Variants in PRICKLE2 observed in about 807,000 individuals in gnomAD.
The protein encoded by PRICKLE2 is prickle-like protein 2.
PRICKLE2 carries 21 observed loss-of-function variants against 81.4 expected under a neutral mutation model. The observed-to-expected ratio is 0.26, with a 90% CI of 0.18 to 0.37. The LOEUF (loss-of-function observed/expected upper bound fraction) is 0.37. Ranked by LOEUF, PRICKLE2 falls within the 10% of genes least tolerant of loss-of-function variation. The pLI is 1.00. For synonymous variants in PRICKLE2, 456 were observed against 421.5 expected (o/e 1.08, Z -1.00); for missense variants, 940 against 1,109.0 (o/e 0.85, Z 2.16).
chr3:64,225,233 G>A lies in PRICKLE2; in HGVS notation c.-364C>T, dbSNP rs539606030. ...CTAGATCAGCCTGAGTGCTCAGATC[G>A]CCTTCCGGAGGACCCCCAGTTTCCT... On this transcript the variant is annotated 5_prime_UTR_variant, in exon 1 of 8. Transcript: ENST00000638394. The A allele has an allele frequency of 4.5e-5, 44 of 985,394 alleles. No individual in the cohort carries two copies. Among genetic ancestry groups the A allele is most frequent in the Admixed American group, 6.1e-5 (1 of 16,266 alleles). 61.0% of individuals were successfully genotyped at this position (985,394 alleles called of 1,614,324 possible). A position where few individuals can be genotyped will look rare whatever the true frequency, so the allele number is the denominator to read the frequency against.
At chr3:64,115,382 C>G (rs140365523) in intron 7 of PRICKLE2, among the ~76,000 whole-genome samples, 160 of 152,192 alleles carry the variant, frequency 1.1e-3, no homozygotes, top group African/African-American at 3.6e-3. Flanking sequence ...GGCTGAATGA[C>G]CCAATTAAAA....
intron 2 of PRICKLE2, among the ~76,000 whole-genome samples, chr3:64,234,662 A>G (rs964723685): frequency 6.6e-6 from 1 of 152,168 alleles, no homozygotes; most frequent in African/African-American, 2.4e-5. Context: ...TAATTTTGAT[A>G]AAGTTCGTTT....
intron 7 of PRICKLE2, chr3:64,142,000 AACT>A (rs767164356): frequency 6.7e-4 from 635 of 946,594 alleles, no homozygotes; most frequent in Non-Finnish European, 7.7e-4. Flanking sequence ...TTAAAAAAAA[AACT>A]ACTGAATTTT....
chr3:64,177,836 T>C (rs1476590247), intron 2 of PRICKLE2, among the ~76,000 whole-genome samples: 3 of 152,236 alleles, frequency 2.0e-5, no homozygotes, highest in Non-Finnish European at 2.9e-5. Flanking sequence ...TTTTACCTTT[T>C]CACTACTGTG....
At chr3:64,120,638 T>C (rs934794940) in intron 7 of PRICKLE2, among the ~76,000 whole-genome samples, 3 of 152,210 alleles carry the variant, frequency 2.0e-5, no homozygotes, top group Non-Finnish European at 1.5e-5. Flanking sequence ...AAGATACTGG[T>C]CCACAGACCA....
In PRICKLE2 at chr3:64,128,668, C is replaced by T. The variant is rs1419206419; in HGVS notation, c.1660+18162G>A. On this transcript the variant is annotated intron_variant, in intron 7 of 7. Transcript: ENST00000638394. ...GGCTGAGGCAGGAGAATAATGTGAA[C>T]CCGGGAGGGAGAGGTTGTAGTGAGC... Among the ~76,000 whole-genome samples, 5 of 147,110 alleles carry T rather than the reference C, an allele frequency of 3.4e-5. No homozygotes were observed. The South Asian group carries it at 6.4e-4, about 19-fold the overall frequency.
At chr3:64,115,075 C>T (rs774255760) in intron 7 of PRICKLE2, among the ~76,000 whole-genome samples, 6 of 152,072 alleles carry the variant, frequency 3.9e-5, no homozygotes, top group African/African-American at 1.4e-4. Flanking sequence ...AAATTCCAAC[C>T]CAGAATTTCA....
At chr3:64,199,301 C>A in intron 1 of PRICKLE2, 1 of 425,384 alleles carries the variant, frequency 2.4e-6, no homozygotes, top group Non-Finnish European at 4.2e-6. Context: ...GGATATGGCC[C>A]ATGACCACAA....
upstream of PRICKLE2, among the ~76,000 whole-genome samples, chr3:64,226,816 T>C (rs1289888352): frequency 2.0e-5 from 3 of 152,164 alleles, no homozygotes; most frequent in Non-Finnish European, 4.4e-5. Context: ...AGCCAGGCAA[T>C]ATTCTGGACT....
At chr3:64,172,236 C>T (rs2077944633) in intron 2 of PRICKLE2, among the ~76,000 whole-genome samples, 1 of 152,208 alleles carries the variant, frequency 6.6e-6, no homozygotes, top group African/African-American at 2.4e-5. Context: ...TAAATAGACT[C>T]CCTCATCCCA....
chr3:64,200,244 C>T (rs1185242677), intron 1 of PRICKLE2: 1 of 152,148 alleles, frequency 6.6e-6, no homozygotes, highest in Non-Finnish European at 1.5e-5. Flanking sequence ...TTGAAGTTGG[C>T]TTCTTTCACA....
chr3:64,189,338 G>C (rs887951791), intron 2 of PRICKLE2, among the ~76,000 whole-genome samples: 5 of 152,188 alleles, frequency 3.3e-5, no homozygotes, highest in African/African-American at 1.2e-4. Flanking sequence ...GTCAACCTCA[G>C]ATTAGGAGAA....
In PRICKLE2 at chr3:64,147,998, T is replaced by G. The variant is rs1261345975; in HGVS notation, c.788-296A>C. Reference sequence around the variant, plus strand: ...ATTTCCCCCTGACAAATAGCAATAGTAATATTAACGTATGATCATGTACTG... The same window carrying G: ...ATTTCCCCCTGACAAATAGCAATAGGAATATTAACGTATGATCATGTACTG... On this transcript the variant is annotated intron_variant, in intron 6 of 7. Transcript: ENST00000638394. The surrounding 1 kb of genome is among the most constrained non-coding windows in gnomAD (Gnocchi z 5.0). 6.6e-6 allele frequency among the ~76,000 whole-genome samples: 1 copy of G among 152,226 alleles called. No homozygotes were observed. Among genetic ancestry groups the G allele is most frequent in the Non-Finnish European group, 1.5e-5 (1 of 68,040 alleles).
intron 1 of PRICKLE2, among the ~76,000 whole-genome samples, chr3:64,205,328 G>A (rs945905062): frequency 6.6e-6 from 1 of 152,118 alleles, no homozygotes; most frequent in African/African-American, 2.4e-5. Flanking sequence ...GCCATAATTA[G>A]CCCTTTCATG....
chr3:64,179,715 C>T (rs138827110), intron 2 of PRICKLE2, among the ~76,000 whole-genome samples: 11 of 152,140 alleles, frequency 7.2e-5, no homozygotes, highest in African/African-American at 2.7e-4. Context: ...AAAGTGCTGC[C>T]GCAAGTATTG....
chr3:64,108,498 C>G (rs531980966), intron 7 of PRICKLE2, among the ~76,000 whole-genome samples: 11 of 152,160 alleles, frequency 7.2e-5, no homozygotes, highest in African/African-American at 2.7e-4. Flanking sequence ...CATGGAATGG[C>G]TCAAACAGAG....
chr3:64,204,919 G>C (rs181103272), intron 1 of PRICKLE2, among the ~76,000 whole-genome samples: 1 of 152,196 alleles, frequency 6.6e-6, no homozygotes, highest in Admixed American at 6.5e-5. Context: ...CTTCATTCCT[G>C]CATCTCTCCC....
At chr3:64,230,092 A>G (rs2079080748), upstream of PRICKLE2, among the ~76,000 whole-genome samples, 1 of 152,184 alleles carries the variant, frequency 6.6e-6, no homozygotes, top group Non-Finnish European at 1.5e-5. Context: ...AGAACTGAAG[A>G]GGCTTTTAGG....
At chr3:64,178,484 T>C (rs184452968) in intron 2 of PRICKLE2, among the ~76,000 whole-genome samples, 32 of 152,294 alleles carry the variant, frequency 2.1e-4, no homozygotes, top group South Asian at 6.2e-4. Context: ...TCAGGTTTCA[T>C]TGGTGAAAGC....
Sources: gnomAD v4.1 joint callset for allele counts (sites outside exome capture counted in the v4.1 genomes callset) on GRCh38, gnomAD v4.1.1 for gene constraint, Gnocchi (gnomAD v3.1) non-coding constraint, MANE v1.5 for transcripts, NCBI Gene and HGNC (gene_info 2026-07-23, HGNC 2026-07-21) for gene names.